Variants in MAP4 observed in about 807,000 individuals in gnomAD.
The protein encoded by MAP4 is microtubule associated protein 4, also known as microtubule-associated protein 4.
In MAP4, 76 loss-of-function variants were observed where a neutral mutation model predicts 170.2. The ratio of observed to expected loss-of-function variants is 0.45; its 90% CI spans 0.37 to 0.54. MAP4 has a LOEUF of 0.54. Among genes scored for constraint, MAP4 ranks in the 20% least tolerant of loss-of-function variants. The probability of loss-of-function intolerance (pLI) is 0.00; values close to 1 mark genes in which losing one functional copy is unlikely to be tolerated. For missense variants in MAP4, 2,506 were observed against 2,748.0 expected (o/e 0.91, Z 1.97); for synonymous variants, 909 against 994.5 (o/e 0.91, Z 1.62).
intron 3 of MAP4, among the ~76,000 whole-genome samples, chr3:47,962,135 C>G (rs1192224498): frequency 6.6e-6 from 1 of 152,184 alleles, no homozygotes; most frequent in Non-Finnish European, 1.5e-5. Flanking sequence ...AAATAACCTG[C>G]CTCTTAATTA....
chr3:47,897,549 A>G (rs946280794), intron 10 of MAP4, among the ~76,000 whole-genome samples: 1 of 152,180 alleles, frequency 6.6e-6, no homozygotes, highest in East Asian at 1.9e-4. Context: ...ATGTGTGTGT[A>G]TGTATGTGTG....
At chr3:48,085,241 A>G (rs1040062138) in intron 1 of MAP4, among the ~76,000 whole-genome samples, 1 of 151,954 alleles carries the variant, frequency 6.6e-6, no homozygotes, top group Non-Finnish European at 1.5e-5. Flanking sequence ...TGTCAAGAGC[A>G]AAAGTTTACA....
chr3:48,084,812 G>GT (rs11333074), intron 1 of MAP4, among the ~76,000 whole-genome samples: 27 of 149,814 alleles, frequency 1.8e-4, no homozygotes, highest in Admixed American at 6.7e-4. Context: ...AGTTGTTTTT[G>GT]TTTTTTTTTT....
intron 3 of MAP4, among the ~76,000 whole-genome samples, chr3:47,935,136 T>G (rs987360572): frequency 1.3e-5 from 2 of 152,246 alleles, no homozygotes; most frequent in Admixed American, 6.5e-5. Context: ...ATGGTTTATG[T>G]AGGACAAGTG....
intron 3 of MAP4, among the ~76,000 whole-genome samples, chr3:47,948,286 T>A (rs547313353): frequency 3.0e-4 from 45 of 149,384 alleles, no homozygotes; most frequent in Non-Finnish European, 5.5e-4. Flanking sequence ...CAGGATGGAG[T>A]GCAGTGTTGT....
At chr3:47,974,335 G>A (rs2100080687) in intron 3 of MAP4, 2 of 419,622 alleles carry the variant, frequency 4.8e-6, no homozygotes, top group South Asian at 2.0e-4. Flanking sequence ...TGAGGCAGGA[G>A]AACCACTTGA....
rs759394032 is a variant in MAP4, at chr3:47,871,039, G to C, written c.6068C>G (p.Thr2023Arg). Residue 2023 changes from threonine (T) to arginine (R), a missense_variant, in exon 15 of 21, where the codon ACA (threonine) becomes AGA (arginine). This residue lies in a region of MAP4 where 487 missense variants were observed against 511.6 expected (regional missense o/e 0.95). Transcript: ENST00000683076. ...GGGAACCACCCCTGCAGCGGGGGCT[G>C]TCCCACTGAGAGTGGTGGTTTTCTT... ...SMKKTTTLSG[T>R]APAAGVVPSR... The C allele has an allele frequency of 6.2e-7, 1 of 1,613,696 alleles. No homozygotes were observed. The highest frequency in any genetic ancestry group is 1.7e-5 in the Admixed American group (1 of 59,998).
At chr3:48,012,600 T>C (rs1447753162) in intron 1 of MAP4, among the ~76,000 whole-genome samples, 1 of 152,160 alleles carries the variant, frequency 6.6e-6, no homozygotes, top group African/African-American at 2.4e-5. Flanking sequence ...ATGCAGATTA[T>C]CAAAGGGCAG....
chr3:47,870,651 G>C (rs941514843), intron 15 of MAP4, among the ~76,000 whole-genome samples, 162 bp downstream of exon 15: 5 of 152,180 alleles, frequency 3.3e-5, no homozygotes, highest in African/African-American at 1.2e-4. Context: ...CCTCCCTGCT[G>C]CTGGGGCACA....
chr3:47,981,738 C>A (rs879296513), intron 2 of MAP4, among the ~76,000 whole-genome samples: 20 of 150,514 alleles, frequency 1.3e-4, no homozygotes, highest in Non-Finnish European at 2.7e-4. Flanking sequence ...GCACTCCAGT[C>A]TGGGCGACAG....
chr3:47,966,312 A>C, intron 3 of MAP4, among the ~76,000 whole-genome samples: 1 of 133,844 alleles, frequency 7.5e-6, no homozygotes, highest in Non-Finnish European at 1.5e-5. Flanking sequence ...CAGTGGCGCA[A>C]TCTTGGCTTA....
chr3:48,056,455 C>T (rs1579635703), intron 1 of MAP4, among the ~76,000 whole-genome samples: 1 of 92,306 alleles, frequency 1.1e-5, no homozygotes, highest in Non-Finnish European at 2.3e-5. Flanking sequence ...GTCAGCCCCC[C>T]GCCTGGCCAG....
At chr3:47,883,317 G>A (rs568442633) in intron 10 of MAP4, among the ~76,000 whole-genome samples, 20 of 152,120 alleles carry the variant, frequency 1.3e-4, no homozygotes, top group African/African-American at 4.6e-4. Context: ...TCCACCTCCC[G>A]AGTTCAAGCG....
intron 1 of MAP4, among the ~76,000 whole-genome samples, chr3:48,035,162 C>T (rs1212508781): frequency 1.4e-5 from 2 of 140,812 alleles, no homozygotes; most frequent in African/African-American, 5.2e-5. Flanking sequence ...AGTCCAAACA[C>T]TAAACCTACC....
At chr3:48,032,536 G>C (rs2100116715) in intron 1 of MAP4, among the ~76,000 whole-genome samples, 1 of 151,486 alleles carries the variant, frequency 6.6e-6, no homozygotes, top group Admixed American at 6.6e-5. Context: ...GTGGTGGCAG[G>C]CACCTGTAAT....
At position 47,872,082 on chromosome 3, in the gene MAP4, C is replaced by G. The variant is rs749145870; in HGVS notation, c.5776G>C (p.Ala1926Pro). ...VKPKPIADAKAPEKRASPSKP... is the reference protein window; with the variant it reads ...VKPKPIADAKPPEKRASPSKP... ...GATGGTGAGGCCCGCTTCTCAGGAG[C>G]CTTTGCATCTGCAATGGGCTGGAAA... The change falls in exon 13 of 21, where the codon GCT (alanine) becomes CCT (proline). Residue 1926 changes from alanine (A) to proline (P), a missense_variant. Around this residue, in one of 3 missense-constraint regions of MAP4, gnomAD observed 487 missense variants for 511.6 expected, o/e 0.95. Transcript: ENST00000683076. 5 of 1,611,712 alleles carry G rather than the reference C, an allele frequency of 3.1e-6. No homozygotes were observed. The highest frequency in any genetic ancestry group is 1.3e-5 in the African/African-American group (1 of 74,896).
chr3:47,873,063 G>A (rs971627917), intron 12 of MAP4, among the ~76,000 whole-genome samples: 52 of 152,188 alleles, frequency 3.4e-4, no homozygotes, highest in African/African-American at 1.2e-3. Context: ...GATTAGAATG[G>A]AGGGTGATGA....
Position 47,876,710 on chromosome 3 carries a change from A to T in MAP4, c.5541+707T>A, listed in dbSNP as rs890937382. Among the ~76,000 whole-genome samples, 9 of 152,188 alleles carry T rather than the reference A, an allele frequency of 5.9e-5. No homozygotes were observed. In the East Asian group the frequency reaches 1.7e-3, roughly 29 times the overall value. On this transcript the variant is annotated intron_variant, in intron 11 of 20. Coordinates refer to ENST00000683076, the MANE Select transcript of MAP4 (RefSeq NM_001385682.1). ...GCTTTTGAACTTTGCAATAAGTACTAGTTATGCATCTGAAGCTATATGATC... is the reference window on the plus strand; with the variant it reads ...GCTTTTGAACTTTGCAATAAGTACTTGTTATGCATCTGAAGCTATATGATC...
chr3:47,987,450 A>G lies in MAP4; in HGVS notation c.224-9517T>C, dbSNP rs993073979. On this transcript the variant is annotated intron_variant, in intron 2 of 20. Transcript: ENST00000683076. The stretch of plus-strand genomic sequence containing the variant: ...GTGGGAGGTCTAGAAGGGAAAGGGA[A>G]CAGAAGTCAGGGAATGTTCTGGAAA... The G allele has an allele frequency of 2.0e-6, 3 of 1,501,134 alleles. No individual in the cohort carries two copies. In the Admixed American group the frequency reaches 6.8e-5, roughly 34 times the overall value. The allele number at this position is 1,501,134 out of a possible 1,614,324, so 93.0% of individuals were successfully genotyped here. A position where few individuals can be genotyped will look rare whatever the true frequency, so the allele number is the denominator to read the frequency against.
Sources: gnomAD v4.1 joint callset for allele counts (sites outside exome capture counted in the v4.1 genomes callset) on GRCh38, gnomAD v4.1.1 for gene constraint, gnomAD v4.1.1 regional missense constraint, MANE v1.5 for transcripts, NCBI Gene and HGNC (gene_info 2026-07-23, HGNC 2026-07-21) for gene names.